The following TPRG1 variants were observed in gnomAD, a reference collection of about 807,000 sequenced individuals.
The protein encoded by TPRG1 is tumor protein p63-regulated gene 1 protein.
TPRG1 carries 29 observed loss-of-function variants against 29.3 expected under a neutral mutation model. The ratio of observed to expected loss-of-function variants is 0.99; its 90% confidence interval spans 0.74 to 1.35. The LOEUF is 1.35. Among genes scored for constraint, TPRG1 ranks in the 40% most tolerant of loss-of-function variants. The pLI is 0.00. For synonymous variants in TPRG1, 130 were observed against 116.8 expected, an observed-to-expected ratio of 1.11 and a Z score of -0.73; for missense variants, 327 against 335.0, an observed-to-expected ratio of 0.98 and a Z score of 0.19.
chr3:189,119,299 C>T (rs1323504067), intron 1 of TPRG1, among the ~76,000 whole-genome samples: 1 of 152,208 alleles, frequency 6.6e-6, no homozygotes, highest in Admixed American at 6.5e-5. Flanking sequence ...CCTATGCCCC[C>T]ATTGTATCTA....
chr3:189,267,293 G>A (rs548429276), intron 4 of TPRG1, among the ~76,000 whole-genome samples: 2 of 152,176 alleles, frequency 1.3e-5, no homozygotes, highest in Non-Finnish European at 2.9e-5. Context: ...AAGTAGCCTT[G>A]ACAAAATAGC....
At chr3:189,281,983 C>A (rs1440699547) in intron 4 of TPRG1, among the ~76,000 whole-genome samples, 3 of 151,950 alleles carry the variant, frequency 2.0e-5, no homozygotes, top group African/African-American at 4.8e-5. Context: ...CAGGCTCAAG[C>A]AATTCTCATG....
chr3:189,137,489 TACA>T (rs1723917742), intron 3 of TPRG1, among the ~76,000 whole-genome samples: 1 of 152,190 alleles, frequency 6.6e-6, no homozygotes, highest in South Asian at 2.1e-4. Flanking sequence ...CCTTAAGTTG[TACA>T]GAGCAGTGTT....
chr3:189,250,504 G>GACC (rs1742007564), intron 4 of TPRG1, among the ~76,000 whole-genome samples: 1 of 23,590 alleles, frequency 4.2e-5, no homozygotes, highest in African/African-American at 1.3e-4. Flanking sequence ...TCTGATTTCC[G>GACC]CCCCCCCCCC....
intron 4 of TPRG1, among the ~76,000 whole-genome samples, chr3:189,037,761 T>C (rs1714368124): frequency 6.6e-6 from 1 of 151,804 alleles, no homozygotes; most frequent in Non-Finnish European, 1.5e-5. Flanking sequence ...CTGGATAAAA[T>C]ATATTAAACA....
At position 189,009,258 on chromosome 3, in the gene TPRG1, C is replaced by T. The variant is rs1438830346; in HGVS notation, c.-660+4498C>T. On this transcript the variant is annotated intron_variant, in intron 3 of 10. Coordinates refer to the TPRG1 transcript ENST00000433971. ...GCCATGATCAAAATCCAAGTATGTT[C>T]ATTAGGGTTGTGGAAGGATTGTGGA... Among the ~76,000 whole-genome samples the T allele has an allele frequency of 2.6e-5, 4 of 152,078 alleles. No individual in the cohort carries two copies. The East Asian group carries it at 7.7e-4, about 29-fold the overall frequency.
At chr3:189,241,298 GAA>G (rs1203735154) in intron 4 of TPRG1, among the ~76,000 whole-genome samples, 2 of 152,118 alleles carry the variant, frequency 1.3e-5, no homozygotes, top group East Asian at 3.9e-4. Flanking sequence ...AGATAGTAAA[GAA>G]AAGTCTCTTA....
chr3:189,315,988 G>GATTT (rs1560695323), intron 5 of TPRG1, among the ~76,000 whole-genome samples: 6 of 152,200 alleles, frequency 3.9e-5, no homozygotes, highest in African/African-American at 4.8e-5. Flanking sequence ...AAGCACCAAA[G>GATTT]AAGGTGGGAA....
At chr3:189,231,736 G>A (rs778322308) in intron 3 of TPRG1, among the ~76,000 whole-genome samples, 2 of 152,104 alleles carry the variant, frequency 1.3e-5, no homozygotes, top group African/African-American at 2.4e-5. Flanking sequence ...TAGAAAGCCC[G>A]TCACTGCTCA....
At chr3:189,209,052 G>A (rs1343003017) in intron 2 of TPRG1, among the ~76,000 whole-genome samples, 3 of 152,176 alleles carry the variant, frequency 2.0e-5, no homozygotes, top group Non-Finnish European at 2.9e-5. Flanking sequence ...TAACTTATGA[G>A]GAAAAACTGG....
chr3:189,147,290 T>C lies in TPRG1; in HGVS notation c.-290-294T>C, dbSNP rs1179857021. On this transcript the variant is annotated intron_variant, in intron 3 of 6. Coordinates refer to the TPRG1 transcript ENST00000412373. ...AGAATCTTTCGGCCTCACATTCTAA[T>C]ATAACCTCTGCTCTAGCAGTGGAGA... 2.6e-5 allele frequency among the ~76,000 whole-genome samples: 4 copies of C among 152,196 alleles called. No individual in the cohort carries two copies. The East Asian group carries it at 7.7e-4, about 29-fold the overall frequency.
At chr3:189,191,060 G>A (rs1323505278) in intron 1 of TPRG1, 2 of 800,874 alleles carry the variant, frequency 2.5e-6, no homozygotes, top group Non-Finnish European at 3.0e-6. Flanking sequence ...TTCAGTAGTT[G>A]TAGCAGTTCA....
chr3:189,084,893 C>T (rs1717833748), intron 4 of TPRG1, among the ~76,000 whole-genome samples: 2 of 152,172 alleles, frequency 1.3e-5, no homozygotes, highest in Admixed American at 6.5e-5. Context: ...CCAAAGGAAG[C>T]CAACCATATT....
At chr3:189,274,460 T>C (rs1258368354) in intron 4 of TPRG1, among the ~76,000 whole-genome samples, 2 of 152,170 alleles carry the variant, frequency 1.3e-5, no homozygotes, top group Non-Finnish European at 2.9e-5. Context: ...GTTTTTATAT[T>C]GTACAGAACT....
intron 4 of TPRG1, among the ~76,000 whole-genome samples, chr3:189,283,904 A>G (rs986977264): frequency 1.1e-4 from 17 of 152,368 alleles, no homozygotes; most frequent in African/African-American, 3.8e-4. Context: ...AGATGTGGAT[A>G]CAGGCGTTAG....
At chr3:189,168,503 A>C (rs1728420989), upstream of TPRG1, among the ~76,000 whole-genome samples, 1 of 152,198 alleles carries the variant, frequency 6.6e-6, no homozygotes, top group South Asian at 2.1e-4. Flanking sequence ...TTGAGTACCT[A>C]CTATTGGCAT....
chr3:189,283,742 G>A (rs530573375), intron 4 of TPRG1, among the ~76,000 whole-genome samples: 6 of 152,066 alleles, frequency 3.9e-5, no homozygotes, highest in African/African-American at 2.4e-5. Flanking sequence ...TAATCTTTAC[G>A]ATAATCCGGA....
intron 3 of TPRG1, among the ~76,000 whole-genome samples, chr3:189,228,193 A>G (rs1203322950): frequency 1.3e-5 from 2 of 152,226 alleles, no homozygotes; most frequent in African/African-American, 4.8e-5. Context: ...TCAGAATTCT[A>G]TGAAATATTT....
intron 4 of TPRG1, among the ~76,000 whole-genome samples, chr3:189,287,084 C>T (rs962596712): frequency 6.6e-6 from 1 of 152,048 alleles, no homozygotes; most frequent in Non-Finnish European, 1.5e-5. Flanking sequence ...TGTCTTTTGC[C>T]TGAAGACCCT....
Sources: gnomAD v4.1 joint callset for allele counts (sites outside exome capture counted in the v4.1 genomes callset) on GRCh38, gnomAD v4.1.1 for gene constraint, MANE v1.5 for transcripts, NCBI Gene and HGNC (gene_info 2026-07-23, HGNC 2026-07-21) for gene names.